Variants in CTNNA1 observed in about 807,000 individuals in gnomAD.
CTNNA1 encodes catenin alpha 1.
Under a neutral mutation model 98.4 loss-of-function variants are expected in CTNNA1, and 37 were observed. The ratio of observed to expected loss-of-function variants is 0.38; its 90% CI spans 0.29 to 0.49. The LOEUF (loss-of-function observed/expected upper bound fraction) is 0.49. Ranked by LOEUF, CTNNA1 falls within the 20% of genes least tolerant of loss-of-function variation. CTNNA1 has a pLI of 0.95. For missense variants in CTNNA1, 761 were observed against 1,147.2 expected (o/e 0.66, Z 4.86); for synonymous variants, 404 against 413.2 (o/e 0.98, Z 0.27).
At chr5:138,827,969 A>G (rs1398757978) in intron 7 of CTNNA1, 1 of 491,974 alleles carries the variant, frequency 2.0e-6, no homozygotes, top group Non-Finnish European at 3.7e-6. Context: ...TGTATTCATC[A>G]ATTAACATGT....
intron 13 of CTNNA1, among the ~76,000 whole-genome samples, chr5:138,928,938 A>AG (rs770423475): frequency 1.5e-5 from 2 of 135,866 alleles, no homozygotes; most frequent in Non-Finnish European, 3.3e-5. Flanking sequence ...TCTGTCTCAA[A>AG]GGAAAAAAAA....
chr5:138,885,778 G>A (rs76690909), intron 7 of CTNNA1, among the ~76,000 whole-genome samples: 1 of 152,094 alleles, frequency 6.6e-6, no homozygotes, highest in Non-Finnish European at 1.5e-5. Context: ...TTGTTTCAGT[G>A]CCAGGTCCCA....
At chr5:138,784,511 A>T (rs1230556355) in intron 3 of CTNNA1, among the ~76,000 whole-genome samples, 1 of 152,204 alleles carries the variant, frequency 6.6e-6, no homozygotes, top group Admixed American at 6.5e-5. Flanking sequence ...ATATTTTTTC[A>T]GTTTTCAGGC....
chr5:138,908,588 G>A (rs1007836216), intron 10 of CTNNA1, among the ~76,000 whole-genome samples: 9 of 152,052 alleles, frequency 5.9e-5, no homozygotes, highest in East Asian at 1.9e-4. Flanking sequence ...TCGCTTGAGC[G>A]CAGGAGTTCC....
In CTNNA1 at chr5:138,825,826, A is replaced by G. The variant is rs1458208744; in HGVS notation, c.858+1027A>G. ...CAGTTTTTACCATGGAGCTTTAAAC[A>G]TTAAATTATTTTATAACAAACTCTT... On this transcript the variant is annotated intron_variant, in intron 6 of 17. Transcript: ENST00000302763. 2.6e-5 allele frequency among the ~76,000 whole-genome samples: 4 copies of G among 152,328 alleles called. No homozygotes were observed. In the East Asian group the frequency reaches 5.8e-4, roughly 22 times the overall value.
intron 1 of CTNNA1, among the ~76,000 whole-genome samples, chr5:138,781,144 G>T (rs951920361): frequency 3.9e-5 from 6 of 152,086 alleles, no homozygotes; most frequent in Non-Finnish European, 5.9e-5. Context: ...CCTTCTCTAG[G>T]AATCCATCAA....
chr5:138,921,554 G>GT (rs1165728996), intron 11 of CTNNA1, among the ~76,000 whole-genome samples: 1 of 148,086 alleles, frequency 6.8e-6, no homozygotes, highest in South Asian at 2.1e-4. Context: ...ACTATAGACA[G>GT]TTTCTCTCTT....
At chr5:138,766,849 C>G (rs1313165303) in intron 1 of CTNNA1, among the ~76,000 whole-genome samples, 1 of 152,098 alleles carries the variant, frequency 6.6e-6, no homozygotes, top group Non-Finnish European at 1.5e-5. Flanking sequence ...TTCCCACCTT[C>G]ACTGTGGTAA....
At chr5:138,765,596 C>T (rs2149589870) in intron 1 of CTNNA1, among the ~76,000 whole-genome samples, 1 of 152,278 alleles carries the variant, frequency 6.6e-6, no homozygotes, top group African/African-American at 2.4e-5. Context: ...GTGTAAGCCA[C>T]CATTGCTAAC....
At chr5:138,810,244 A>G (rs764344030) in intron 4 of CTNNA1, 40 bp downstream of exon 4, 4 of 1,590,412 alleles carry the variant, frequency 2.5e-6, no homozygotes, top group Non-Finnish European at 3.4e-6. Context: ...GTTCTATCAC[A>G]GGAAGATTGC....
chr5:138,931,183 C>T, intron 16 of CTNNA1: 1 of 467,820 alleles, frequency 2.1e-6, no homozygotes. Context: ...AGTTCCCTCT[C>T]TCCCCCTCTG....
intron 3 of CTNNA1, among the ~76,000 whole-genome samples, chr5:138,807,990 A>G (rs1171056952): frequency 6.6e-6 from 1 of 152,028 alleles, no homozygotes; most frequent in Non-Finnish European, 1.5e-5. Flanking sequence ...ACCTCAGGTG[A>G]TCCACCCACC....
chr5:138,787,139 A>G (rs559752384), intron 3 of CTNNA1, among the ~76,000 whole-genome samples: 3 of 152,328 alleles, frequency 2.0e-5, no homozygotes, highest in Non-Finnish European at 4.4e-5. Flanking sequence ...TTCTGATCAT[A>G]AGGGCTCTGG....
chr5:138,760,598 T>C (rs1752248643), intron 1 of CTNNA1, among the ~76,000 whole-genome samples: 1 of 152,136 alleles, frequency 6.6e-6, no homozygotes, highest in African/African-American at 2.4e-5. Context: ...ACTCCTGACC[T>C]CAAATGATTC....
At chr5:138,837,775 G>A (rs1761935803) in intron 7 of CTNNA1, among the ~76,000 whole-genome samples, 1 of 149,728 alleles carries the variant, frequency 6.7e-6, no homozygotes, top group African/African-American at 2.5e-5. Flanking sequence ...GTGTGCACCA[G>A]CATGCCTGAC....
At chr5:138,797,982 T>C (rs1757153207) in intron 3 of CTNNA1, among the ~76,000 whole-genome samples, 1 of 152,184 alleles carries the variant, frequency 6.6e-6, no homozygotes, top group East Asian at 1.9e-4. Flanking sequence ...TACTACTTTC[T>C]GCACTATAGA....
intron 9 of CTNNA1, among the ~76,000 whole-genome samples, chr5:138,903,384 T>TC (rs1758512535): frequency 6.6e-6 from 1 of 152,210 alleles, no homozygotes; most frequent in Non-Finnish European, 1.5e-5. Context: ...AGAAAGTGCC[T>TC]CTGATATTCA....
chr5:138,827,993 G>T, intron 7 of CTNNA1: 1 of 436,340 alleles, frequency 2.3e-6, no homozygotes, highest in Non-Finnish European at 4.2e-6. Flanking sequence ...TACATGTGTA[G>T]GTGTGTGTAT....
chr5:138,784,827 C>T (rs1216386365), intron 3 of CTNNA1, among the ~76,000 whole-genome samples: 1 of 152,026 alleles, frequency 6.6e-6, no homozygotes, highest in Non-Finnish European at 1.5e-5. Flanking sequence ...CAGTCTCTGC[C>T]TTTGTTATCA....
Sources: allele counts gnomAD v4.1 joint callset (sites outside exome capture counted in the v4.1 genomes callset), GRCh38; gene constraint gnomAD v4.1.1; transcripts MANE v1.5; gene names NCBI Gene and HGNC (gene_info 2026-07-23, HGNC 2026-07-21).